The following KRT75 variants were observed in gnomAD, a reference collection of about 807,000 sequenced individuals.
KRT75 encodes the protein keratin, type II cytoskeletal 75.
A neutral mutation model predicts 48.8 loss-of-function variants in KRT75; 35 were observed. The observed-to-expected ratio is 0.72, with a 90% CI of 0.55 to 0.95. The LOEUF (loss-of-function observed/expected upper bound fraction) is 0.95. Among genes scored for constraint, KRT75 ranks in the 40% least tolerant of loss-of-function variants. KRT75 has a pLI of 0.00. For synonymous variants in KRT75, 301 were observed against 282.3 expected (o/e 1.07, Z -0.66); for missense variants, 776 against 709.9 (o/e 1.09, Z -1.06).
chr12:52,429,510 C>T (rs1940116655), intron 5 of KRT75, among the ~76,000 whole-genome samples: 1 of 152,132 alleles, frequency 6.6e-6, no homozygotes. Context: ...AAAGGAGATC[C>T]CCTGCCAGAG....
chr12:52,425,064 G>C (rs1439576816), intron 8 of KRT75, among the ~76,000 whole-genome samples: 1 of 152,162 alleles, frequency 6.6e-6, no homozygotes, highest in East Asian at 1.9e-4. Context: ...GTCTGGGTCT[G>C]TCTCCCTGTC....
In KRT75 at chr12:52,424,692, AG is replaced by A; in HGVS notation, c.1480del (p.Leu494TrpfsTer36). ...GSGSSIGGGN[L>X]GLGGGSGYSF... ...GTAGCCGCTGCCCCCACCGAGGCCC[AG>A]GTTTCCACCTCCAATGCTGCTGCCG... On this transcript the variant is annotated frameshift_variant, in exon 9 of 9. Coordinates refer to ENST00000252245, the MANE Select transcript of KRT75 (RefSeq NM_004693.3). LOFTEE classifies it high-confidence loss of function. The A allele has an allele frequency of 6.2e-7, 1 of 1,614,126 alleles. No individual in the cohort carries two copies. Among genetic ancestry groups the A allele is most frequent in the Non-Finnish European group, 8.5e-7 (1 of 1,179,994 alleles).
chr12:52,424,258 C>T lies in KRT75; in HGVS notation c.*259G>A. ...AGGAGGACTTTCCAGCTGCCCGGGC[C>T]TCGCAAGATAGGCTGAATGAGAGCC... On this transcript the variant is annotated 3_prime_UTR_variant, in exon 9 of 9. Transcript: ENST00000252245. 1.8e-6 allele frequency: 1 copy of T among 543,472 alleles called. No homozygotes were observed. The highest frequency in any genetic ancestry group is 1.9e-5 in the African/African-American group (1 of 53,032). The allele number at this position is 543,472 out of a possible 1,614,324, so 33.7% of individuals were successfully genotyped here. A position where few individuals can be genotyped will look rare whatever the true frequency, so the allele number is the denominator to read the frequency against.
intron 3 of KRT75, 68 bp downstream of exon 3, chr12:52,431,938 G>A (rs1231248503): frequency 1.3e-6 from 2 of 1,492,978 alleles, no homozygotes; most frequent in African/African-American, 1.4e-5. Context: ...AAGGGTCAGA[G>A]GTCAGGTTAC....
In KRT75 at chr12:52,424,666, A is replaced by G; in HGVS notation, c.1507T>C (p.Ser503Pro). The stretch of plus-strand genomic sequence containing the variant: ...CTATGCCCACCACTGGTGGTGAAGG[A>G]GTAGCCGCTGCCCCCACCGAGGCCC... The part of the protein sequence containing the change: ...NLGLGGGSGY[S>P]FTTSGGHSLG... Residue 503 changes from serine (S) to proline (P), a missense_variant, in exon 9 of 9, where the codon TCC (serine) becomes CCC (proline). Transcript: ENST00000252245. 1 of 1,614,078 alleles carries G rather than the reference A, an allele frequency of 6.2e-7. No individual in the cohort carries two copies. Among genetic ancestry groups the G allele is most frequent in the Non-Finnish European group, 8.5e-7 (1 of 1,179,972 alleles).
At position 52,434,222 on chromosome 12, in the gene KRT75, C is replaced by A; in HGVS notation, c.83G>T (p.Gly28Val). Residue 28 changes from glycine (G) to valine (V), a missense_variant, in exon 1 of 9, where the codon GGC (glycine) becomes GTC (valine). Physicochemically the swap from Gly to Val is moderately radical, Grantham distance 109. Coordinates refer to ENST00000252245, the MANE Select transcript of KRT75 (RefSeq NM_004693.3). Reference protein sequence around the residue: ...STTSAITPAAGRSRFSSVSVA... With the variant: ...STTSAITPAAVRSRFSSVSVA... ...AGAGACAGAGCTGAAGCGGGAGCGG[C>A]CAGCTGCCGGGGTGATGGCCGAGGT... The A allele has an allele frequency of 6.3e-7, 1 of 1,595,400 alleles. No individual in the cohort carries two copies. Among genetic ancestry groups the A allele is most frequent in the South Asian group, 1.1e-5 (1 of 88,142 alleles).
At chr12:52,426,750 G>A (rs962040899) in intron 8 of KRT75, 67 bp downstream of exon 8, 17 of 1,485,226 alleles carry the variant, frequency 1.1e-5, no homozygotes, top group Middle Eastern at 1.7e-4. Flanking sequence ...CCTCTGGCAA[G>A]CCCACCACAT....
chr12:52,424,564 T>C lies in KRT75; in HGVS notation c.1609A>G (p.Lys537Glu), dbSNP rs368152633. 25 of 1,613,036 alleles carry C rather than the reference T, an allele frequency of 1.5e-5. No individual in the cohort carries two copies. Among genetic ancestry groups the C allele is most frequent in the South Asian group, 1.5e-4 (14 of 91,074 alleles). Reference protein sequence around the residue: ...RGLGGSGSSVKFVSTTSSSQK... With the variant: ...RGLGGSGSSVEFVSTTSSSQK... ...CTGGAGGATGTGGTGGAGACAAACTTGACGCTAGAACCACTGCCCCCTAAG... is the reference window on the plus strand; with the variant it reads ...CTGGAGGATGTGGTGGAGACAAACTCGACGCTAGAACCACTGCCCCCTAAG... Residue 537 changes from lysine to glutamate, a missense_variant, in exon 9 of 9, where the codon AAG (lysine) becomes GAG (glutamate). Physicochemically the swap from Lys to Glu is moderately conservative, Grantham distance 56. Coordinates refer to ENST00000252245, the MANE Select transcript of KRT75 (RefSeq NM_004693.3).
rs895281525 is a variant in KRT75 at position 52,431,922 on chromosome 12, T to C, written c.774+84A>G. On this transcript the variant is annotated intron_variant, in intron 3 of 8. Transcript: ENST00000252245. The stretch of plus-strand genomic sequence containing the variant: ...CAAGGTTGATGTGACATTTCTTGGG[T>C]GGCCCAAGGGTCAGAGGTCAGGTTA... 7.0e-6 allele frequency: 9 copies of C among 1,294,272 alleles called. No individual in the cohort carries two copies. The Admixed American group carries it at 1.5e-4, about 22-fold the overall frequency. The allele number at this position is 1,294,272 out of a possible 1,614,324, so 80.2% of individuals were successfully genotyped here.
intron 8 of KRT75, among the ~76,000 whole-genome samples, chr12:52,426,042 C>A (rs1284916401): frequency 6.6e-6 from 1 of 152,172 alleles, no homozygotes; most frequent in Non-Finnish European, 1.5e-5. Context: ...GAGGGCTCTG[C>A]CTTCTAGAAT....
Position 52,431,595 on chromosome 12 carries a change from T to C in KRT75, c.818A>G (p.Lys273Arg). ...AYMNKVELEA[K>R]VKSLPEEINF... ...GATCTCCTCGGGCAGAGATTTGACC[T>C]TGGCTTCCAGCTCCACCTTGTTCAT... Residue 273 changes from lysine (K) to arginine (R), a missense_variant, in exon 4 of 9, where the codon AAG (lysine) becomes AGG (arginine). Physicochemically the swap from Lys to Arg is conservative, Grantham distance 26. Coordinates refer to ENST00000252245, the MANE Select transcript of KRT75 (RefSeq NM_004693.3). 6.2e-7 allele frequency: 1 copy of C among 1,614,106 alleles called. No homozygotes were observed. The highest frequency in any genetic ancestry group is 1.1e-5 in the South Asian group (1 of 91,088).
chr12:52,425,650 A>G (rs1205395758), intron 8 of KRT75, among the ~76,000 whole-genome samples: 2 of 152,192 alleles, frequency 1.3e-5, no homozygotes, highest in Non-Finnish European at 2.9e-5. Flanking sequence ...CAGAGCTAGG[A>G]GGAGGCTGGA....
intron 7 of KRT75, 73 bp downstream of exon 7, chr12:52,428,183 G>T: frequency 1.3e-6 from 2 of 1,574,304 alleles, no homozygotes; most frequent in Admixed American, 1.7e-5. Flanking sequence ...AACAGCCCGA[G>T]CCCCTAGGAA....
At position 52,428,495 on chromosome 12, in the gene KRT75, G is replaced by A. The variant is rs747705863; in HGVS notation, c.1162-19C>T. On this transcript the variant is annotated intron_variant, in intron 6 of 8. Coordinates refer to ENST00000252245, the MANE Select transcript of KRT75 (RefSeq NM_004693.3). Reference sequence around the variant, plus strand: ...TGGAACACTGTAAGGACAGGAGGAAGCCATGAGTCCTGCTGACAGCCCATG... The same window carrying A: ...TGGAACACTGTAAGGACAGGAGGAAACCATGAGTCCTGCTGACAGCCCATG... 13 of 1,612,286 alleles carry A rather than the reference G, an allele frequency of 8.1e-6. No individual in the cohort carries two copies. Among genetic ancestry groups the A allele is most frequent in the African/African-American group, 1.3e-5 (1 of 74,894 alleles).
chr12:52,433,860 C>G lies in KRT75; in HGVS notation c.445G>C (p.Glu149Gln). Reference protein sequence around the residue: ...DPTIQRVRAEEREQIKTLNNK... With the variant: ...DPTIQRVRAEQREQIKTLNNK... ...TTGAGGGTCTTGATCTGCTCGCGCT[C>G]CTCGGCCCGCACCCGCTGGATGGTG... is the stretch of plus-strand genomic sequence containing the variant. Residue 149 changes from glutamate (E) to glutamine (Q), a missense_variant, in exon 1 of 9, where the codon GAG becomes CAG. By Grantham distance (29) the Glu-to-Gln change is conservative. Coordinates refer to ENST00000252245, the MANE Select transcript of KRT75 (RefSeq NM_004693.3). 1 of 1,614,140 alleles carries G rather than the reference C, an allele frequency of 6.2e-7. No homozygotes were observed. The highest frequency in any genetic ancestry group is 8.5e-7 in the Non-Finnish European group (1 of 1,180,028).
chr12:52,428,658 A>G lies in KRT75; in HGVS notation c.1121T>C (p.Ile374Thr). The G allele has an allele frequency of 1.9e-6, 3 of 1,614,176 alleles. No homozygotes were observed. The highest frequency in any genetic ancestry group is 1.7e-5 in the Admixed American group (1 of 60,024). ...KQEISEMNRM[I>T]QRLRAEIDSV... is the part of the protein sequence containing the mutation. ...GTCAATCTCAGCTCTCAGCCTCTGG[A>G]TCATGCGGTTCATTTCAGAGATCTC... The change falls in exon 6 of 9, where the codon ATC becomes ACC. Residue 374 changes from isoleucine to threonine, a missense_variant. Coordinates refer to ENST00000252245, the MANE Select transcript of KRT75 (RefSeq NM_004693.3).
In KRT75 at chr12:52,428,390, A is replaced by G. The variant is rs777931522; in HGVS notation, c.1248T>C (p.Leu416=). ...LKDARAKLVD[L]EEALQKAKQD... is the part of the protein sequence containing the mutation. ...GCTTGGCCTTCTGCAGGGCCTCCTC[A>G]AGGTCCACCAGCTTGGCCCGTGCAT... is the stretch of plus-strand genomic sequence containing the variant. The change falls in exon 7 of 9, where the codon CTT becomes CTC. Residue 416 remains leucine (L), a synonymous_variant. Coordinates refer to ENST00000252245, the MANE Select transcript of KRT75 (RefSeq NM_004693.3). The G allele has an allele frequency of 1.1e-5, 18 of 1,614,006 alleles. 1 individual carries two copies. The South Asian group carries it at 2.0e-4, about 18-fold the overall frequency.
chr12:52,424,732 T>A lies in KRT75; in HGVS notation c.1441A>T (p.Ser481Cys), dbSNP rs1286215316. The change falls in exon 9 of 9, where the codon AGT (serine) becomes TGT (cysteine). Residue 481 changes from serine (S) to cysteine (C), a missense_variant. Transcript: ENST00000252245. ...ATGCTGCTGCCGCTTCCATAGCCAC[T>A]GGAAAGAGTAGAGGTGACCACAGCT... ...NISVVTSTLS[S>C]GYGSGSSIGG... 1 of 1,613,540 alleles carries A rather than the reference T, an allele frequency of 6.2e-7. No individual in the cohort carries two copies. Among genetic ancestry groups the A allele is most frequent in the Non-Finnish European group, 8.5e-7 (1 of 1,179,764 alleles).
At chr12:52,431,807 T>C (rs551480333) in intron 3 of KRT75, among the ~76,000 whole-genome samples, 169 bp from the exon 4 acceptor site, 228 of 152,294 alleles carry the variant, frequency 1.5e-3, no homozygotes, top group Admixed American at 2.8e-3. Context: ...GGGGCTTGAA[T>C]TCCCTGAGCT....
Sources: allele counts gnomAD v4.1 joint callset (sites outside exome capture counted in the v4.1 genomes callset), GRCh38; gene constraint gnomAD v4.1.1; transcripts MANE v1.5; gene names NCBI Gene and HGNC (gene_info 2026-07-23, HGNC 2026-07-21).